The following CFAP43 variants were observed in gnomAD, a reference collection of about 807,000 sequenced individuals.
CFAP43 encodes the protein cilia and flagella associated protein 43, also known as cilia- and flagella-associated protein 43.
A neutral mutation model predicts 218.9 loss-of-function variants in CFAP43; 155 were observed. The ratio of observed to expected loss-of-function variants is 0.71; its 90% CI spans 0.62 to 0.81. CFAP43 has a LOEUF of 0.81. Ranked by LOEUF, CFAP43 falls within the 30% of genes least tolerant of loss-of-function variation. CFAP43 has a pLI of 0.00. For synonymous variants in CFAP43, 645 were observed against 681.3 expected (o/e 0.95, Z 0.83); for missense variants, 1,778 against 1,954.3 (o/e 0.91, Z 1.70).
chr10:104,203,738 A>G lies in CFAP43; in HGVS notation c.1029T>C (p.Ile343=), dbSNP rs139423281. The change falls in exon 8 of 38, where the codon ATT becomes ATC. Residue 343 remains isoleucine (I), a synonymous_variant. Transcript: ENST00000357060. Reference sequence around the variant, plus strand: ...ATGTCATATGTTCTACAGGTCTTTCAATCTCAAGAAAATCCTCGATCATGT... The same window carrying G: ...ATGTCATATGTTCTACAGGTCTTTCGATCTCAAGAAAATCCTCGATCATGT... ...RSYMIEDFLE[I]ERPVEHMTFS... 186 of 1,611,444 alleles carry G rather than the reference A, an allele frequency of 1.2e-4. No individual in the cohort carries two copies. Among genetic ancestry groups the G allele is most frequent in the Middle Eastern group, 1.6e-4 (1 of 6,078 alleles).
At chr10:104,202,419 G>A (rs544665528) in intron 8 of CFAP43, among the ~76,000 whole-genome samples, 17 of 152,252 alleles carry the variant, frequency 1.1e-4, no homozygotes, top group African/African-American at 3.9e-4. Flanking sequence ...GTAAATTCAT[G>A]TCTTTAAGCA....
intron 5 of CFAP43, among the ~76,000 whole-genome samples, chr10:104,208,651 G>A (rs1040833451): frequency 1.3e-5 from 2 of 152,102 alleles, no homozygotes; most frequent in African/African-American, 4.8e-5. Context: ...TCTAGAATCA[G>A]AAATCATTTT....
chr10:104,211,401 T>A (rs2090858389), intron 5 of CFAP43, among the ~76,000 whole-genome samples: 2 of 152,286 alleles, frequency 1.3e-5, no homozygotes, highest in African/African-American at 4.8e-5. Context: ...ACTTGATAAA[T>A]CTCTGTTGAA....
intron 35 of CFAP43, among the ~76,000 whole-genome samples, chr10:104,133,157 A>G (rs1276465292): frequency 1.2e-4 from 18 of 152,232 alleles, no homozygotes; most frequent in Admixed American, 1.1e-3. Flanking sequence ...CGTTGAAGTT[A>G]GAAAAACAGA....
chr10:104,192,396 G>T, intron 11 of CFAP43, 94 bp from the exon 12 acceptor site: 1 of 943,102 alleles, frequency 1.1e-6, no homozygotes, highest in Non-Finnish European at 1.7e-6. Flanking sequence ...TATGTTCAAA[G>T]CCAGTCATTT....
intron 34 of CFAP43, among the ~76,000 whole-genome samples, chr10:104,139,569 C>A (rs146814294): frequency 6.6e-6 from 1 of 152,150 alleles, no homozygotes; most frequent in Non-Finnish European, 1.5e-5. Context: ...AAATGAACAT[C>A]TTTAAAATGA....
intron 36 of CFAP43, among the ~76,000 whole-genome samples, chr10:104,131,706 A>C (rs1436667700): frequency 1.3e-5 from 2 of 152,188 alleles, no homozygotes; most frequent in African/African-American, 4.8e-5. Context: ...GTATATTCTT[A>C]AACTGAGAGA....
At chr10:104,226,932 C>A (rs185598939) in intron 2 of CFAP43, among the ~76,000 whole-genome samples, 37 of 151,976 alleles carry the variant, frequency 2.4e-4, no homozygotes, top group African/African-American at 8.5e-4. Flanking sequence ...GCAGGCGAAT[C>A]GCTTGAACCT....
intron 4 of CFAP43, among the ~76,000 whole-genome samples, 180 bp from the exon 5 acceptor site, chr10:104,212,337 CA>C (rs1208951834): frequency 6.6e-6 from 1 of 152,128 alleles, no homozygotes; most frequent in Non-Finnish European, 1.5e-5. Context: ...ACAAGTTACA[CA>C]GTTTTAAATT....
intron 9 of CFAP43, among the ~76,000 whole-genome samples, chr10:104,197,689 A>G (rs958921108): frequency 9.9e-5 from 15 of 152,242 alleles, no homozygotes; most frequent in African/African-American, 3.6e-4. Flanking sequence ...CTGTTTTCAG[A>G]AGATGATATT....
chr10:104,200,362 G>C (rs549020211), intron 8 of CFAP43, among the ~76,000 whole-genome samples: 2 of 152,004 alleles, frequency 1.3e-5, no homozygotes, highest in African/African-American at 4.8e-5. Flanking sequence ...CCCTCAGTTC[G>C]GTCCGGGAAC....
chr10:104,221,471 A>G (rs2091179980), intron 3 of CFAP43, among the ~76,000 whole-genome samples: 1 of 152,218 alleles, frequency 6.6e-6, no homozygotes, highest in African/African-American at 2.4e-5. Flanking sequence ...GAGCTAGCTC[A>G]TCCCTTCTAC....
intron 13 of CFAP43, among the ~76,000 whole-genome samples, chr10:104,187,729 T>A (rs184942837): frequency 1.7e-4 from 26 of 152,344 alleles, no homozygotes; most frequent in African/African-American, 6.3e-4. Flanking sequence ...TTTAATCAAT[T>A]AACTTAGAGA....
intron 5 of CFAP43, among the ~76,000 whole-genome samples, chr10:104,209,728 A>G (rs1002288114): frequency 1.3e-5 from 2 of 152,164 alleles, no homozygotes; most frequent in African/African-American, 4.8e-5. Context: ...AATACTAAAC[A>G]TAGAAAAATT....
At chr10:104,196,182 C>T (rs2090376514) in intron 10 of CFAP43, among the ~76,000 whole-genome samples, 1 of 152,146 alleles carries the variant, frequency 6.6e-6, no homozygotes, top group Non-Finnish European at 1.5e-5. Context: ...AGTGTGGAGA[C>T]AGAAAGACAA....
chr10:104,142,327 C>G lies in CFAP43; in HGVS notation c.4225G>C (p.Glu1409Gln). The G allele has an allele frequency of 6.2e-7, 1 of 1,613,674 alleles. No individual in the cohort carries two copies. The highest frequency in any genetic ancestry group is 8.5e-7 in the Non-Finnish European group (1 of 1,179,842). Reference protein sequence around the residue: ...TFLQKRVEEEEKVQQEIERVF... With the variant: ...TFLQKRVEEEQKVQQEIERVF... ...CTCTCAATCTCCTGTTGCACCTTCT[C>G]TTCCTCCTCAACTCTCTTCTGGAGG... is the stretch of plus-strand genomic sequence containing the variant. The change falls in exon 33 of 38, where the codon GAG (glutamate) becomes CAG (glutamine). Residue 1409 changes from glutamate to glutamine, a missense_variant. Around this residue, in one of 3 missense-constraint regions of CFAP43, gnomAD observed 1,553 missense variants for 1,685.2 expected, o/e 0.92. Coordinates refer to ENST00000357060, the MANE Select transcript of CFAP43 (RefSeq NM_025145.7).
chr10:104,132,810 A>G (rs2134725922), intron 35 of CFAP43: 1 of 983,312 alleles, frequency 1.0e-6, no homozygotes, highest in Non-Finnish European at 1.2e-6. Context: ...GTCCCACATT[A>G]ACAAAGTCCT....
intron 6 of CFAP43, among the ~76,000 whole-genome samples, chr10:104,206,614 A>T (rs1252553552): frequency 1.3e-5 from 2 of 152,188 alleles, no homozygotes; most frequent in African/African-American, 4.8e-5. Flanking sequence ...ATTGGGTCAG[A>T]TGTAGATTAA....
rs2089288611 is a variant in CFAP43, at chr10:104,168,793, A to ATAAGT, written c.2637_2641dup (p.Ile881AsnfsTer13). 1 of 1,613,986 alleles carries ATAAGT rather than the reference A, an allele frequency of 6.2e-7. No homozygotes were observed. The highest frequency in any genetic ancestry group is 1.3e-5 in the African/African-American group (1 of 74,930). ...CATCGAATTCCAACATTCTTCTTTG[A>ATAAGT]TAAGTTCAGCCAAATAGCTCTTGGC... On this transcript the variant is annotated frameshift_variant, in exon 21 of 38. Transcript: ENST00000357060. LOFTEE classifies it high-confidence loss of function.
Sources: allele counts gnomAD v4.1 joint callset (sites outside exome capture counted in the v4.1 genomes callset), GRCh38; gene constraint gnomAD v4.1.1; regional missense constraint gnomAD v4.1.1; transcripts MANE v1.5; gene names NCBI Gene and HGNC (gene_info 2026-07-23, HGNC 2026-07-21).